The following TLN2 variants were observed in gnomAD, a reference collection of about 807,000 sequenced individuals.
The protein encoded by TLN2 is talin-2.
TLN2 carries 118 observed loss-of-function variants against 294.7 expected under a neutral mutation model. The ratio of observed to expected loss-of-function variants is 0.40; its 90% CI spans 0.34 to 0.47. The LOEUF (loss-of-function observed/expected upper bound fraction) is 0.47, where lower values mean the gene tolerates loss of function less well. TLN2 is among the 20% of genes least tolerant of loss of function. The probability of loss-of-function intolerance (pLI) is 0.84; values close to 1 mark genes in which losing one functional copy is unlikely to be tolerated. For synonymous variants in TLN2, 1,431 were observed against 1,304.5 expected (o/e 1.10, Z -2.09); for missense variants, 3,083 against 3,282.2 (o/e 0.94, Z 1.48).
intron 1 of TLN2, among the ~76,000 whole-genome samples, chr15:62,473,516 C>T (rs1055839131): frequency 1.3e-5 from 2 of 152,160 alleles, no homozygotes; most frequent in Admixed American, 6.5e-5. Context: ...TTCGTAGTTG[C>T]ACTACCTATG....
intron 25 of TLN2, 56 bp from the exon 26 acceptor site, chr15:62,722,297 C>CCT: frequency 6.4e-7 from 1 of 1,559,786 alleles, no homozygotes; most frequent in Middle Eastern, 1.8e-4. Context: ...TTAGGTCTCT[C>CCT]CTCTCTACCT....
intron 37 of TLN2, among the ~76,000 whole-genome samples, chr15:62,760,268 G>A (rs143868532): frequency 6.6e-6 from 1 of 152,256 alleles, no homozygotes; most frequent in Non-Finnish European, 1.5e-5. Context: ...GAAAATATTA[G>A]CATTGTGGGT....
chr15:62,819,483 C>T, intron 52 of TLN2, 33 bp from the exon 53 acceptor site: 1 of 1,561,652 alleles, frequency 6.4e-7, no homozygotes, highest in Non-Finnish European at 8.8e-7. Context: ...GTTACTATCC[C>T]CCTCATGCCT....
chr15:62,458,916 G>A (rs1205035599), intron 1 of TLN2, among the ~76,000 whole-genome samples: 2 of 152,164 alleles, frequency 1.3e-5, no homozygotes, highest in African/African-American at 2.4e-5. Flanking sequence ...GACCTAAGGA[G>A]GGGAGGCTAT....
At chr15:62,655,915 G>A (rs770675322) in intron 7 of TLN2, 29 bp from the exon 8 acceptor site, 1 of 1,612,012 alleles carries the variant, frequency 6.2e-7, no homozygotes, top group South Asian at 1.1e-5. Context: ...AATAAACACA[G>A]TTCTCTTATA....
intron 44 of TLN2, 104 bp from the exon 45 acceptor site, chr15:62,783,667 A>C (rs1484819553): frequency 6.8e-7 from 1 of 1,460,158 alleles, no homozygotes; most frequent in African/African-American, 1.4e-5. Flanking sequence ...TTAAAAGTGA[A>C]TGAAACCCTT....
chr15:62,747,557 G>T (rs1450336148), intron 32 of TLN2, among the ~76,000 whole-genome samples: 1 of 151,898 alleles, frequency 6.6e-6, no homozygotes, highest in Non-Finnish European at 1.5e-5. Context: ...TGTTCCATGG[G>T]GACTGCTGAT....
At chr15:62,433,754 C>T (rs2035142043) in intron 1 of TLN2, among the ~76,000 whole-genome samples, 1 of 152,130 alleles carries the variant, frequency 6.6e-6, no homozygotes, top group Non-Finnish European at 1.5e-5. Context: ...AGATTCACTT[C>T]CCTTCTTGTG....
intron 9 of TLN2, among the ~76,000 whole-genome samples, chr15:62,671,268 A>C (rs2055383833): frequency 6.6e-6 from 1 of 152,168 alleles, no homozygotes; most frequent in African/African-American, 2.4e-5. Context: ...CTGCAATTTA[A>C]AAGTTTATAA....
chr15:62,524,685 G>A (rs531737169), intron 1 of TLN2, among the ~76,000 whole-genome samples: 30 of 152,326 alleles, frequency 2.0e-4, no homozygotes, highest in Admixed American at 1.7e-3. Context: ...GTCATCTGCA[G>A]CTTCATTCAT....
chr15:62,792,318 C>T (rs2065130506), intron 45 of TLN2, among the ~76,000 whole-genome samples: 1 of 152,194 alleles, frequency 6.6e-6, no homozygotes, highest in Non-Finnish European at 1.5e-5. Flanking sequence ...AATTATCCCA[C>T]AAAGTTCCTC....
At chr15:62,777,315 T>A (rs62004639) in intron 43 of TLN2, among the ~76,000 whole-genome samples, 29,193 of 151,572 alleles carry the variant, frequency 0.19, 2,790 homozygotes, top group South Asian at 0.24. Flanking sequence ...GGCGGGCGGA[T>A]CACCTGAGGT....
chr15:62,604,376 C>A (rs1428047615), intron 2 of TLN2, among the ~76,000 whole-genome samples: 1 of 151,750 alleles, frequency 6.6e-6, no homozygotes, highest in Non-Finnish European at 1.5e-5. Context: ...ACAAAAAATA[C>A]CACACACAAA....
chr15:62,750,783 G>A (rs1342905484), intron 34 of TLN2, among the ~76,000 whole-genome samples: 1 of 152,148 alleles, frequency 6.6e-6, no homozygotes, highest in African/African-American at 2.4e-5. Context: ...TCCTGCCCCT[G>A]TGGTCCAGGA....
At chr15:62,414,164 C>CTATATATATATATATATATATATA (rs780803268) in intron 1 of TLN2, among the ~76,000 whole-genome samples, 33 of 90,616 alleles carry the variant, frequency 3.6e-4, no homozygotes, top group Non-Finnish European at 6.4e-4. Context: ...AAAAAAAAAA[C>CTATATATATATATATATATATATA]TATATATATA....
At chr15:62,789,366 C>G (rs2064919195) in intron 45 of TLN2, among the ~76,000 whole-genome samples, 1 of 152,152 alleles carries the variant, frequency 6.6e-6, no homozygotes, top group South Asian at 2.1e-4. Context: ...TGCTGGCCTT[C>G]CTTGGAGCTT....
intron 12 of TLN2, among the ~76,000 whole-genome samples, chr15:62,691,049 G>A (rs1400686799): frequency 3.5e-5 from 5 of 143,358 alleles, no homozygotes; most frequent in East Asian, 2.1e-4. Context: ...AGGGAGAGGG[G>A]GAGGGGGAGG....
rs140606387 is a variant in TLN2 at position 62,753,712 on chromosome 15, C to T, written c.4333-61C>T. On this transcript the variant is annotated intron_variant, in intron 35 of 58. Transcript: ENST00000636159. ...CTGCATGTGTAGTGCGGACCATCAT[C>T]CCCAGCAGGCTCACCTAGGAGCACG... 338 of 1,535,950 alleles carry T rather than the reference C, an allele frequency of 2.2e-4. 1 individual carries two copies. In the East Asian group the frequency reaches 7.3e-3, roughly 33 times the overall value.
chr15:62,569,065 T>A (rs1465199213), intron 1 of TLN2, among the ~76,000 whole-genome samples: 1 of 152,180 alleles, frequency 6.6e-6, no homozygotes, highest in African/African-American at 2.4e-5. Context: ...GCTCCATGCC[T>A]TCCTCGTCTT....
Sources: gnomAD v4.1 joint callset for allele counts (sites outside exome capture counted in the v4.1 genomes callset) on GRCh38, gnomAD v4.1.1 for gene constraint, MANE v1.5 for transcripts, NCBI Gene and HGNC (gene_info 2026-07-23, HGNC 2026-07-21) for gene names.